Variants in INSR observed in about 807,000 individuals in gnomAD.
The protein encoded by INSR is insulin receptor.
Under a neutral mutation model 142.6 loss-of-function variants are expected in INSR, and 67 were observed. The ratio of observed to expected loss-of-function variants is 0.47; its 90% CI spans 0.39 to 0.58. The LOEUF (loss-of-function observed/expected upper bound fraction) is 0.58. Among genes scored for constraint, INSR ranks in the 20% least tolerant of loss-of-function variants. The pLI, the probability that INSR is intolerant of heterozygous loss-of-function variation, is 0.00. For missense variants in INSR, 1,248 were observed against 1,833.2 expected, an observed-to-expected ratio of 0.68 and a Z score of 5.83; for synonymous variants, 756 against 743.1, an observed-to-expected ratio of 1.02 and a Z score of -0.28.
intron 2 of INSR, among the ~76,000 whole-genome samples, chr19:7,252,187 A>G (rs188174999): frequency 6.6e-6 from 1 of 152,220 alleles, no homozygotes; most frequent in East Asian, 1.9e-4. Flanking sequence ...AGGTGGGTGG[A>G]TCACTTGAGG....
chr19:7,233,666 G>GTTTT (rs1442548192), intron 2 of INSR, among the ~76,000 whole-genome samples: 1 of 106,978 alleles, frequency 9.3e-6, no homozygotes. Context: ...TTCTTTTTCT[G>GTTTT]TCTTTTTTTT....
rs141296824 is a variant in INSR at position 7,124,090 on chromosome 19, G to A, written c.3259-1101C>T. 3.9e-5 allele frequency among the ~76,000 whole-genome samples: 6 copies of A among 152,096 alleles called. No individual in the cohort carries two copies. The East Asian group carries it at 1.2e-3, about 30-fold the overall frequency. ...CAAAAAAATTAGCCAGGCACTGGGC[G>A]TGGTGGCTCACGCCTGTAATCCCAG... On this transcript the variant is annotated intron_variant, in intron 17 of 21. Transcript: ENST00000302850.
chr19:7,269,691 C>T (rs982798014), intron 1 of INSR, among the ~76,000 whole-genome samples: 1 of 150,606 alleles, frequency 6.6e-6, no homozygotes, highest in Non-Finnish European at 1.5e-5. Flanking sequence ...ACCCCGCGTG[C>T]CATTGGTGCC....
At chr19:7,262,591 C>T (rs562680758) in intron 2 of INSR, among the ~76,000 whole-genome samples, 3 of 152,308 alleles carry the variant, frequency 2.0e-5, no homozygotes, top group East Asian at 3.9e-4. Context: ...AATGTGAAAG[C>T]GACCAAGTGC....
intron 2 of INSR, among the ~76,000 whole-genome samples, chr19:7,208,124 G>A (rs888693476): frequency 1.3e-5 from 2 of 152,054 alleles, no homozygotes; most frequent in Non-Finnish European, 2.9e-5. Context: ...CTAAGTCAAA[G>A]ACAACAACAC....
At chr19:7,288,872 A>G (rs1968413976) in intron 1 of INSR, among the ~76,000 whole-genome samples, 1 of 150,318 alleles carries the variant, frequency 6.7e-6, no homozygotes, top group African/African-American at 2.5e-5. Context: ...CTGAGGCAGG[A>G]CCATTGCTTG....
At position 7,216,715 on chromosome 19, in the gene INSR, C is replaced by T. The variant is rs991617075; in HGVS notation, c.653-32078G>A. Among the ~76,000 whole-genome samples, 7 of 152,184 alleles carry T rather than the reference C, an allele frequency of 4.6e-5. No homozygotes were observed. Among genetic ancestry groups the T allele is most frequent in the Admixed American group, 3.3e-4 (5 of 15,278 alleles). On this transcript the variant is annotated intron_variant, in intron 2 of 21. Coordinates refer to ENST00000302850, the MANE Select transcript of INSR (RefSeq NM_000208.4). This position sits in a 1 kb window ranked among gnomAD's most constrained non-coding sequence, Gnocchi z 4.2. ...TCCTGTTGGCCCCTGGCTAGAGACC[C>T]GCCCAGAGGGGGTTTCCAGGCCCAG...
At chr19:7,222,184 G>A (rs1306886306) in intron 2 of INSR, among the ~76,000 whole-genome samples, 1 of 149,748 alleles carries the variant, frequency 6.7e-6, no homozygotes, top group Admixed American at 6.7e-5. Context: ...AGCATTAACG[G>A]GGAAGGAAAG....
intron 2 of INSR, among the ~76,000 whole-genome samples, chr19:7,222,262 G>A (rs1210130003): frequency 6.6e-6 from 1 of 152,110 alleles, no homozygotes; most frequent in African/African-American, 2.4e-5. Flanking sequence ...CAGCCTGTAT[G>A]GAAATTCCTG....
chr19:7,240,187 C>T (rs1976296946), intron 2 of INSR, among the ~76,000 whole-genome samples: 1 of 152,090 alleles, frequency 6.6e-6, no homozygotes, highest in South Asian at 2.1e-4. Context: ...AAGTGTATTA[C>T]AATATAAATG....
At chr19:7,238,726 G>A (rs948887010) in intron 2 of INSR, among the ~76,000 whole-genome samples, 20 of 151,288 alleles carry the variant, frequency 1.3e-4, no homozygotes, top group Admixed American at 4.6e-4. Context: ...GGTCCAGGCC[G>A]GAGAACTTTT....
Position 7,286,838 on chromosome 19 carries a change from CAAG to C in INSR, c.100+6951_100+6953del, listed in dbSNP as rs1018380074. On this transcript the variant is annotated intron_variant, in intron 1 of 21. Coordinates refer to ENST00000302850, the MANE Select transcript of INSR (RefSeq NM_000208.4). The stretch of plus-strand genomic sequence containing the variant: ...CTGCAAAATATCAACCAGGCCACCC[CAAG>C]AAGTATTCTTTTTTTGTTTGAGACA... 8.6e-4 allele frequency among the ~76,000 whole-genome samples: 130 copies of C among 151,966 alleles called. 1 individual carries two copies. The highest frequency in any genetic ancestry group is 2.9e-3 in the African/African-American group (120 of 41,470).
Position 7,161,415 on chromosome 19 carries a change from A to AT in INSR, c.2029+1616dup, listed in dbSNP as rs201080929. The stretch of plus-strand genomic sequence containing the variant: ...ACTGGGACTACAGGTGTACACCACC[A>AT]TTTTTTTAAATTTTTTTAGAGATGG... On this transcript the variant is annotated intron_variant, in intron 9 of 21. Transcript: ENST00000302850. Among the ~76,000 whole-genome samples the AT allele has an allele frequency of 1.7e-4, 26 of 151,934 alleles. No homozygotes were observed. In the East Asian group the frequency reaches 2.3e-3, roughly 14 times the overall value.
chr19:7,232,053 T>C (rs1190345921), intron 2 of INSR, among the ~76,000 whole-genome samples: 3 of 152,262 alleles, frequency 2.0e-5, no homozygotes, highest in African/African-American at 7.2e-5. Flanking sequence ...ATGGTGATAG[T>C]AATCATTGTA....
intron 6 of INSR, among the ~76,000 whole-genome samples, chr19:7,169,996 T>TA (rs1377013015): frequency 1.3e-4 from 20 of 152,152 alleles, no homozygotes; most frequent in African/African-American, 4.8e-4. Context: ...GTGGACCACT[T>TA]ACAGCAGGGG....
intron 9 of INSR, among the ~76,000 whole-genome samples, chr19:7,155,405 G>C (rs1478248784): frequency 1.3e-5 from 2 of 152,016 alleles, no homozygotes; most frequent in African/African-American, 4.8e-5. Flanking sequence ...GCACGTGGTG[G>C]CACATGCCTG....
rs1967791124 is a variant in INSR at position 7,267,948 on chromosome 19, A to C, written c.101-52T>G. On this transcript the variant is annotated intron_variant, in intron 1 of 21. Coordinates refer to ENST00000302850, the MANE Select transcript of INSR (RefSeq NM_000208.4). The surrounding 1 kb of genome is among the most constrained non-coding windows in gnomAD (Gnocchi z 6.3). ...AGACAGGTGAGCAGACGCACGGTGG[A>C]TGCATCAGAAGGATCAGGGGCAGAG... The C allele has an allele frequency of 6.8e-7, 1 of 1,468,780 alleles. No homozygotes were observed. Among genetic ancestry groups the C allele is most frequent in the Non-Finnish European group, 9.4e-7 (1 of 1,059,498 alleles). The allele number at this position is 1,468,780 out of a possible 1,614,324, so 91.0% of individuals were successfully genotyped here. A position where few individuals can be genotyped will look rare whatever the true frequency, so the allele number is the denominator to read the frequency against.
At position 7,261,466 on chromosome 19, in the gene INSR, G is replaced by A. The variant is rs1977060591; in HGVS notation, c.652+5879C>T. 2.0e-5 allele frequency among the ~76,000 whole-genome samples: 3 copies of A among 152,136 alleles called. No individual in the cohort carries two copies. The South Asian group carries it at 6.2e-4, about 31-fold the overall frequency. ...CATTGCAGGATAATGGAGAGAGGGTGTCCAGGCTATGGATCATTAGCACAT... is the reference window on the plus strand; with the variant it reads ...CATTGCAGGATAATGGAGAGAGGGTATCCAGGCTATGGATCATTAGCACAT... On this transcript the variant is annotated intron_variant, in intron 2 of 21. Coordinates refer to ENST00000302850, the MANE Select transcript of INSR (RefSeq NM_000208.4).
intron 2 of INSR, among the ~76,000 whole-genome samples, chr19:7,245,261 G>C (rs1053678051): frequency 6.6e-6 from 1 of 151,800 alleles, no homozygotes; most frequent in African/African-American, 2.4e-5. Context: ...ATGAGAGTGA[G>C]AGGAGGGAAA....
Sources: allele counts gnomAD v4.1 joint callset (sites outside exome capture counted in the v4.1 genomes callset), GRCh38; gene constraint gnomAD v4.1.1; non-coding constraint Gnocchi (gnomAD v3.1); transcripts MANE v1.5; gene names NCBI Gene and HGNC (gene_info 2026-07-23, HGNC 2026-07-21).